TMEM232: variants seen among roughly 807,000 people sequenced by gnomAD.
The protein encoded by TMEM232 is transmembrane protein 232.
TMEM232 carries 80 observed loss-of-function variants against 78.8 expected under a neutral mutation model. The observed-to-expected ratio is 1.01, with a 90% CI of 0.85 to 1.22. The LOEUF (loss-of-function observed/expected upper bound fraction) is 1.22, where lower values mean the gene tolerates loss of function less well. TMEM232 is among the 50% of genes most tolerant of loss of function. TMEM232 has a pLI of 0.00. For synonymous variants in TMEM232, 297 were observed against 254.3 expected, an observed-to-expected ratio of 1.17 and a Z score of -1.60; for missense variants, 881 against 742.2, an observed-to-expected ratio of 1.19 and a Z score of -2.17.
chr5:110,473,101 A>G (rs2149379203), intron 12 of TMEM232, among the ~76,000 whole-genome samples: 1 of 152,030 alleles, frequency 6.6e-6, no homozygotes, highest in Non-Finnish European at 1.5e-5. Flanking sequence ...AAACATATCA[A>G]ACTAAGAAAC....
intron 11 of TMEM232, among the ~76,000 whole-genome samples, chr5:110,543,370 G>A (rs1773401370): frequency 6.6e-6 from 1 of 152,090 alleles, no homozygotes; most frequent in Non-Finnish European, 1.5e-5. Context: ...TAGAAATGTA[G>A]TCTCAAATTT....
intron 2 of TMEM232, among the ~76,000 whole-genome samples, chr5:110,648,721 T>C (rs1184447991): frequency 6.6e-6 from 1 of 152,098 alleles, no homozygotes; most frequent in Non-Finnish European, 1.5e-5. Flanking sequence ...TGACACATTA[T>C]ACCTAGACTG....
intron 12 of TMEM232, among the ~76,000 whole-genome samples, chr5:110,465,118 G>C (rs1761936637): frequency 6.6e-6 from 1 of 152,204 alleles, no homozygotes; most frequent in African/African-American, 2.4e-5. Context: ...AGAGTGAAAA[G>C]CTGTCTTTAC....
intron 11 of TMEM232, among the ~76,000 whole-genome samples, chr5:110,555,902 C>G (rs973915180): frequency 6.6e-6 from 1 of 152,070 alleles, no homozygotes; most frequent in Non-Finnish European, 1.5e-5. Context: ...CACGTGAGAT[C>G]GGTCTGTTGA....
chr5:110,735,756 A>G (rs1799098473), intron 1 of TMEM232, among the ~76,000 whole-genome samples: 1 of 152,178 alleles, frequency 6.6e-6, no homozygotes, highest in South Asian at 2.1e-4. Context: ...AGTCATAAGG[A>G]CATTCAAGAT....
rs188210509 is a variant in TMEM232 at position 110,516,023 on chromosome 5, A to C, written c.1703+12565T>G. Among the ~76,000 whole-genome samples the C allele has an allele frequency of 4.4e-3, 669 of 152,278 alleles. 9 individuals carry two copies. Among genetic ancestry groups the C allele is most frequent in the African/African-American group, 0.015 (643 of 41,542 alleles). The stretch of plus-strand genomic sequence containing the variant: ...GGGAGGCCAGGGCGGGCGGATCACG[A>C]GGTCAGGAGGTCGAGACCATCCTGG... On this transcript the variant is annotated intron_variant, in intron 12 of 13. Transcript: ENST00000455884.
chr5:110,406,246 C>A (rs867074192), intron 2 of TMEM232, among the ~76,000 whole-genome samples: 7 of 137,576 alleles, frequency 5.1e-5, no homozygotes, highest in Middle Eastern at 3.8e-3. Flanking sequence ...CTTTCATCTA[C>A]CTATGACACA....
At chr5:110,500,282 C>A (rs1580952716) in intron 12 of TMEM232, among the ~76,000 whole-genome samples, 1 of 108,194 alleles carries the variant, frequency 9.2e-6, no homozygotes, top group Non-Finnish European at 1.6e-5. Context: ...GAGCAAGACT[C>A]TGTCTCAAAA....
intron 11 of TMEM232, among the ~76,000 whole-genome samples, chr5:110,556,755 A>C (rs1775140351): frequency 6.6e-6 from 1 of 152,116 alleles, no homozygotes; most frequent in South Asian, 2.1e-4. Context: ...GTCTGCTGTT[A>C]GTCTGATGAG....
intron 12 of TMEM232, among the ~76,000 whole-genome samples, chr5:110,445,865 G>A (rs1580711630): frequency 6.6e-6 from 1 of 152,148 alleles, no homozygotes; most frequent in South Asian, 2.1e-4. Flanking sequence ...GTGAGTGAAT[G>A]AGAAAGTTAA....
chr5:110,538,467 G>A (rs1772681716), intron 11 of TMEM232, among the ~76,000 whole-genome samples: 1 of 152,176 alleles, frequency 6.6e-6, no homozygotes, highest in Non-Finnish European at 1.5e-5. Context: ...TGCCCAAAGA[G>A]CAGCTAAGGG....
chr5:110,468,253 C>T (rs62376077), intron 12 of TMEM232, among the ~76,000 whole-genome samples: 4,003 of 152,000 alleles, frequency 0.026, 80 homozygotes, highest in Middle Eastern at 0.045. Flanking sequence ...AAATTATCTT[C>T]CCAGTGAAAA....
intron 13 of TMEM232, among the ~76,000 whole-genome samples, chr5:110,423,784 T>C (rs965159936): frequency 1.2e-4 from 17 of 147,332 alleles, no homozygotes; most frequent in Admixed American, 2.7e-4. Flanking sequence ...TGCGTGCGTG[T>C]GTGTGTGTGT....
At chr5:110,536,833 G>T (rs1258335558) in intron 11 of TMEM232, among the ~76,000 whole-genome samples, 1 of 152,172 alleles carries the variant, frequency 6.6e-6, no homozygotes, top group African/African-American at 2.4e-5. Context: ...ATTTATGCAG[G>T]AACTGATGTA....
At chr5:110,697,820 C>G (rs4957913) in intron 1 of TMEM232, among the ~76,000 whole-genome samples, 5,848 of 151,992 alleles carry the variant, frequency 0.038, 174 homozygotes, top group Non-Finnish European at 0.054. Context: ...GAAATAGGGA[C>G]ACTTTTACAC....
intron 12 of TMEM232, among the ~76,000 whole-genome samples, chr5:110,433,883 G>C (rs1000605631): frequency 6.6e-6 from 1 of 152,022 alleles, no homozygotes; most frequent in Non-Finnish European, 1.5e-5. Flanking sequence ...TGGTTTGCTA[G>C]TATTCTGCTG....
intron 5 of TMEM232, chr5:110,628,849 C>G (rs955519091): frequency 7.9e-5 from 12 of 151,894 alleles, no homozygotes; most frequent in Non-Finnish European, 1.3e-4. Flanking sequence ...GAATTTGAAC[C>G]CAGGAATGTA....
chr5:110,404,207 A>G (rs1176261751), intron 2 of TMEM232, among the ~76,000 whole-genome samples: 1 of 152,082 alleles, frequency 6.6e-6, no homozygotes, highest in Non-Finnish European at 1.5e-5. Flanking sequence ...AAATATAAAT[A>G]TACTTCAAAA....
chr5:110,405,873 A>G (rs986838094), intron 2 of TMEM232, among the ~76,000 whole-genome samples: 1 of 151,920 alleles, frequency 6.6e-6, no homozygotes, highest in Non-Finnish European at 1.5e-5. Flanking sequence ...GACAACCAAA[A>G]TTTATATTTT....
Sources: gnomAD v4.1 joint callset for allele counts (sites outside exome capture counted in the v4.1 genomes callset) on GRCh38, gnomAD v4.1.1 for gene constraint, MANE v1.5 for transcripts, NCBI Gene and HGNC (gene_info 2026-07-23, HGNC 2026-07-21) for gene names.